Variants in RNF150 observed in about 807,000 individuals in gnomAD.
The protein encoded by RNF150 is ring finger protein 150.
RNF150 carries 24 observed loss-of-function variants against 39.3 expected under a neutral mutation model. The observed-to-expected ratio is 0.61, with a 90% CI of 0.44 to 0.86. The LOEUF (loss-of-function observed/expected upper bound fraction) is 0.86, where lower values mean the gene tolerates loss of function less well. Ranked by LOEUF, RNF150 falls within the 40% of genes least tolerant of loss-of-function variation. The pLI is 0.00. For synonymous variants in RNF150, 255 were observed against 227.3 expected, an observed-to-expected ratio of 1.12 and a Z score of -1.10; for missense variants, 502 against 587.8, an observed-to-expected ratio of 0.85 and a Z score of 1.51.
At chr4:140,939,817 A>G (rs1490098842) in intron 4 of RNF150, among the ~76,000 whole-genome samples, 1 of 152,206 alleles carries the variant, frequency 6.6e-6, no homozygotes, top group African/African-American at 2.4e-5. Flanking sequence ...TGTATCCATC[A>G]GCTACCTACC....
chr4:141,033,719 A>C lies in RNF150; in HGVS notation c.485-65846T>G, dbSNP rs147596611. On this transcript the variant is annotated intron_variant, in intron 1 of 6. Transcript: ENST00000515673. ...GTTAGCAGGCATGAAAACAACATTT[A>C]TCTCCCTCCCCATCTCCATCAGAGC... Among the ~76,000 whole-genome samples the C allele has an allele frequency of 7.7e-4, 117 of 152,326 alleles. 1 individual carries two copies. Among genetic ancestry groups the C allele is most frequent in the African/African-American group, 2.7e-3 (113 of 41,576 alleles).
chr4:140,888,019 T>C (rs1056743417), intron 6 of RNF150, among the ~76,000 whole-genome samples: 2 of 152,190 alleles, frequency 1.3e-5, no homozygotes, highest in Admixed American at 1.3e-4. Flanking sequence ...GTTTTTATCA[T>C]TTCTGACCAT....
chr4:141,016,034 A>G (rs544054853), intron 1 of RNF150, among the ~76,000 whole-genome samples: 7 of 152,142 alleles, frequency 4.6e-5, no homozygotes, highest in Non-Finnish European at 5.9e-5. Flanking sequence ...CTTGCTTCCA[A>G]TGTTGTTATG....
chr4:140,994,630 G>A (rs1191165468), intron 1 of RNF150, among the ~76,000 whole-genome samples: 5 of 152,106 alleles, frequency 3.3e-5, no homozygotes, highest in Non-Finnish European at 7.4e-5. Context: ...AAGATCTGAA[G>A]AATGAGGAAA....
At chr4:141,181,980 G>A (rs985259010) in intron 1 of RNF150, among the ~76,000 whole-genome samples, 11 of 152,178 alleles carry the variant, frequency 7.2e-5, no homozygotes, top group African/African-American at 9.6e-5. Context: ...AGAGGTATCC[G>A]GAATCTCCAG....
At chr4:141,103,223 A>G (rs1739077107) in intron 1 of RNF150, among the ~76,000 whole-genome samples, 1 of 152,238 alleles carries the variant, frequency 6.6e-6, no homozygotes, top group Non-Finnish European at 1.5e-5. Flanking sequence ...AATAAAAACT[A>G]TCAAAGCCTT....
At chr4:141,209,958 G>C (rs1413757771) in intron 1 of RNF150, among the ~76,000 whole-genome samples, 1 of 152,060 alleles carries the variant, frequency 6.6e-6, no homozygotes. Context: ...ATTAACTATT[G>C]TATTGGAAGT....
rs1298569621 is a variant in RNF150 at position 140,906,956 on chromosome 4, T to A, written c.1198+4188A>T. The stretch of plus-strand genomic sequence containing the variant: ...ATCTCCTTGAAAAATCACAGGAAGG[T>A]TTCAGACCCCACCCCCGCGAGATGT... On this transcript the variant is annotated intron_variant, in intron 6 of 6. Coordinates refer to ENST00000515673, the MANE Select transcript of RNF150 (RefSeq NM_020724.2). Among the ~76,000 whole-genome samples the A allele has an allele frequency of 2.0e-5, 3 of 152,176 alleles. No homozygotes were observed. The East Asian group carries it at 5.8e-4, about 29-fold the overall frequency.
chr4:141,031,270 T>C (rs1191344864), intron 1 of RNF150, among the ~76,000 whole-genome samples: 1 of 152,040 alleles, frequency 6.6e-6, no homozygotes, highest in Non-Finnish European at 1.5e-5. Context: ...AAAAGGGATT[T>C]TGAACAGTTT....
At chr4:141,184,457 G>A (rs951516012) in intron 1 of RNF150, among the ~76,000 whole-genome samples, 5 of 152,156 alleles carry the variant, frequency 3.3e-5, no homozygotes, top group Non-Finnish European at 7.3e-5. Flanking sequence ...TAGGTTGCCT[G>A]TTTACTCTGA....
intron 1 of RNF150, among the ~76,000 whole-genome samples, chr4:141,094,694 GT>G (rs960850497): frequency 6.6e-6 from 1 of 152,228 alleles, no homozygotes; most frequent in African/African-American, 2.4e-5. Context: ...AAAATTATCT[GT>G]CAGGAAGTAA....
chr4:140,930,941 G>T (rs1278814173), intron 4 of RNF150, among the ~76,000 whole-genome samples: 1 of 148,070 alleles, frequency 6.8e-6, no homozygotes, highest in Non-Finnish European at 1.5e-5. Flanking sequence ...GATCTGCTGG[G>T]GTTTTTTTTT....
At chr4:141,106,347 C>T (rs553120061) in intron 1 of RNF150, among the ~76,000 whole-genome samples, 3 of 152,202 alleles carry the variant, frequency 2.0e-5, no homozygotes, top group South Asian at 4.1e-4. Flanking sequence ...AGTAGGTGTT[C>T]GATTAACAAC....
chr4:140,885,844 T>A (rs983679989), intron 6 of RNF150, among the ~76,000 whole-genome samples: 1 of 152,134 alleles, frequency 6.6e-6, no homozygotes, highest in African/African-American at 2.4e-5. Flanking sequence ...CCTCAAGGGA[T>A]CCGCCTGCCT....
rs1352466252 is a variant in RNF150, at chr4:141,073,746, C to T, written c.484+58579G>A. ...ATGTAATTCCTGTTTTTATGTCTGA[C>T]CAGCTGGGCTTGGTCATCTCTACAA... is the stretch of plus-strand genomic sequence containing the variant. On this transcript the variant is annotated intron_variant, in intron 1 of 6. Transcript: ENST00000515673. 3.3e-5 allele frequency among the ~76,000 whole-genome samples: 5 copies of T among 151,982 alleles called. No homozygotes were observed. In the East Asian group the frequency reaches 9.6e-4, roughly 29 times the overall value.
intron 1 of RNF150, among the ~76,000 whole-genome samples, chr4:140,975,349 G>A (rs1242646349): frequency 2.6e-5 from 4 of 152,172 alleles, no homozygotes; most frequent in Non-Finnish European, 4.4e-5. Flanking sequence ...AGAGCTGACC[G>A]TGGGAGGTGA....
rs1204196724 is a variant in RNF150, at chr4:141,078,858, TAC to T, written c.484+53465_484+53466del. Among the ~76,000 whole-genome samples, 8 of 140,614 alleles carry T rather than the reference TAC, an allele frequency of 5.7e-5. No homozygotes were observed. In the East Asian group the frequency reaches 8.3e-4, roughly 15 times the overall value. The allele number at this position is 140,614 out of a possible 152,430, so 92.2% of individuals were successfully genotyped here. On this transcript the variant is annotated intron_variant, in intron 1 of 6. Coordinates refer to ENST00000515673, the MANE Select transcript of RNF150 (RefSeq NM_020724.2). The stretch of plus-strand genomic sequence containing the variant: ...ACACACACACACACACATACATACA[TAC>T]ATATATATATACACACATATATACA...
intron 1 of RNF150, among the ~76,000 whole-genome samples, chr4:141,111,139 T>C (rs1213884222): frequency 1.3e-5 from 2 of 152,172 alleles, no homozygotes; most frequent in Non-Finnish European, 2.9e-5. Flanking sequence ...ATGTCAACAG[T>C]GCCAAGGTTG....
chr4:141,076,296 C>T (rs1051276005), intron 1 of RNF150, among the ~76,000 whole-genome samples: 1 of 152,152 alleles, frequency 6.6e-6, no homozygotes, highest in Non-Finnish European at 1.5e-5. Context: ...GGCATATTTC[C>T]CATTTCTAAA....
Sources: allele counts gnomAD v4.1 joint callset (sites outside exome capture counted in the v4.1 genomes callset), GRCh38; gene constraint gnomAD v4.1.1; transcripts MANE v1.5; gene names NCBI Gene and HGNC (gene_info 2026-07-23, HGNC 2026-07-21).